ECPAS: variants seen among roughly 807,000 people sequenced by gnomAD.
ECPAS encodes proteasome adapter and scaffold protein ECM29.
Under a neutral mutation model 255.1 loss-of-function variants are expected in ECPAS, and 70 were observed. The observed-to-expected ratio is 0.27, with a 90% CI of 0.23 to 0.33. The LOEUF (loss-of-function observed/expected upper bound fraction) is 0.33. Among genes scored for constraint, ECPAS ranks in the 10% least tolerant of loss-of-function variants. The probability of loss-of-function intolerance (pLI) is 1.00; values close to 1 mark genes in which losing one functional copy is unlikely to be tolerated. For synonymous variants in ECPAS, 784 were observed against 775.0 expected, an observed-to-expected ratio of 1.01 and a Z score of -0.19; for missense variants, 1,817 against 2,206.4, an observed-to-expected ratio of 0.82 and a Z score of 3.54.
chr9:111,365,272 AAAT>A (rs543397125), intron 48 of ECPAS, among the ~76,000 whole-genome samples: 109 of 139,086 alleles, frequency 7.8e-4, no homozygotes, highest in African/African-American at 2.5e-3. Context: ...CCTGTCTCAA[AAAT>A]AATAATAACC....
chr9:111,449,531 G>A (rs2098257521), intron 3 of ECPAS, among the ~76,000 whole-genome samples: 2 of 151,988 alleles, frequency 1.3e-5, no homozygotes, highest in Non-Finnish European at 2.9e-5. Context: ...TAGTATGATA[G>A]AAGTGAATGA....
intron 2 of ECPAS, 142 bp from the exon 3 acceptor site, chr9:111,451,697 T>C: frequency 1.4e-6 from 1 of 713,438 alleles, no homozygotes; most frequent in Non-Finnish European, 2.2e-6. Flanking sequence ...ACAGATATTT[T>C]GACACAGCAA....
At chr9:111,441,984 A>G (rs2098246591) in intron 5 of ECPAS, among the ~76,000 whole-genome samples, 1 of 152,230 alleles carries the variant, frequency 6.6e-6, no homozygotes, top group African/African-American at 2.4e-5. Flanking sequence ...CTTCCAAGAT[A>G]GAATTGTTTT....
chr9:111,413,382 A>T (rs1309903924), intron 20 of ECPAS, among the ~76,000 whole-genome samples: 1 of 152,250 alleles, frequency 6.6e-6, no homozygotes, highest in Non-Finnish European at 1.5e-5. Flanking sequence ...GAAAGAATGT[A>T]TAAAACAGTA....
At chr9:111,393,586 CAAGA>C (rs2098163384) in intron 27 of ECPAS, 90 bp downstream of exon 27, 1 of 830,514 alleles carries the variant, frequency 1.2e-6, no homozygotes, top group Non-Finnish European at 2.0e-6. Flanking sequence ...TCACACAGCT[CAAGA>C]AAGTTTTCTT....
chr9:111,399,636 G>A (rs553306059), intron 24 of ECPAS, among the ~76,000 whole-genome samples: 55 of 152,136 alleles, frequency 3.6e-4, no homozygotes, highest in Non-Finnish European at 5.4e-4. Context: ...TTTCACCAGC[G>A]GCTAGACCAC....
intron 24 of ECPAS, among the ~76,000 whole-genome samples, chr9:111,399,408 G>T (rs2098172256): frequency 6.6e-6 from 1 of 152,220 alleles, no homozygotes; most frequent in Admixed American, 6.5e-5. Context: ...AGGCAGCACA[G>T]CTTGGAAAGA....
intron 46 of ECPAS, 30 bp downstream of exon 46, chr9:111,369,005 A>G (rs1331915771): frequency 6.6e-7 from 1 of 1,521,026 alleles, no homozygotes; most frequent in East Asian, 2.4e-5. Context: ...CTCTGGTTAC[A>G]GCACTTCAAA....
intron 1 of ECPAS, among the ~76,000 whole-genome samples, chr9:111,480,623 T>C (rs539904797): frequency 3.9e-5 from 6 of 152,308 alleles, no homozygotes; most frequent in Admixed American, 1.3e-4. Context: ...CAGCATCTGC[T>C]ATTTTATTAT....
intron 28 of ECPAS, 68 bp downstream of exon 28, chr9:111,392,700 G>C: frequency 9.7e-7 from 1 of 1,035,928 alleles, no homozygotes; most frequent in Non-Finnish European, 1.4e-6. Flanking sequence ...TCCTTCTCCA[G>C]CATCTTCTCA....
At chr9:111,367,119 T>C (rs2098121286) in intron 46 of ECPAS, among the ~76,000 whole-genome samples, 1 of 152,224 alleles carries the variant, frequency 6.6e-6, no homozygotes, top group African/African-American at 2.4e-5. Context: ...AAACCTGTTA[T>C]GCCAACTGCA....
In ECPAS at chr9:111,483,655, A is replaced by G. The variant is rs1472721432; in HGVS notation, c.-83+461T>C. 77 of 191,656 alleles carry G rather than the reference A, an allele frequency of 4.0e-4. No homozygotes were observed. In the Admixed American group the frequency reaches 4.8e-3, roughly 12 times the overall value. 11.9% of individuals were successfully genotyped at this position (191,656 alleles called of 1,614,324 possible). A position where few individuals can be genotyped will look rare whatever the true frequency, so the allele number is the denominator to read the frequency against. On this transcript the variant is annotated intron_variant, in intron 1 of 49. Coordinates refer to ENST00000684092, the MANE Select transcript of ECPAS (RefSeq NM_001364929.1). ...AGCCGCCTCCGTTCACTCGGCGCGG[A>G]CCGCGCTGTGCCCCGAGGCCCGCCC...
In ECPAS at chr9:111,380,038, G is replaced by A. The variant is rs117489513; in HGVS notation, c.3804-1308C>T. Among the ~76,000 whole-genome samples, 398 of 152,246 alleles carry A rather than the reference G, an allele frequency of 2.6e-3. 4 individuals carry two copies. The highest frequency in any genetic ancestry group is 3.0e-3 in the Non-Finnish European group (207 of 68,014). The stretch of plus-strand genomic sequence containing the variant: ...AATGTTCTTAACAGCACCTACAATG[G>A]TAAGCCCTTTCCAGAAGGTTTTCAA... On this transcript the variant is annotated intron_variant, in intron 35 of 49. Transcript: ENST00000684092.
chr9:111,422,707 T>C (rs1178447390), intron 13 of ECPAS, among the ~76,000 whole-genome samples: 1 of 152,060 alleles, frequency 6.6e-6, no homozygotes, highest in Non-Finnish European at 1.5e-5. Flanking sequence ...GAATGCTTCA[T>C]CTCTATCTCC....
chr9:111,483,461 G>T, intron 1 of ECPAS: 1 of 967,014 alleles, frequency 1.0e-6, no homozygotes, highest in Non-Finnish European at 1.2e-6. Context: ...ACCGCGCGGC[G>T]CCCGTTCCGG....
At chr9:111,438,394 G>A (rs2098241117) in intron 6 of ECPAS, among the ~76,000 whole-genome samples, 1 of 152,180 alleles carries the variant, frequency 6.6e-6, no homozygotes, top group South Asian at 2.1e-4. Context: ...GGGAAGCCAA[G>A]GTGGGAGGAT....
In ECPAS at chr9:111,372,604, G is replaced by A; in HGVS notation, c.4353C>T (p.Thr1451=). The change falls in exon 42 of 50, where the codon ACC becomes ACT. Residue 1451 remains threonine (T), a synonymous_variant. Transcript: ENST00000684092. The part of the protein sequence containing the change: ...YMEKEEPIYK[T]SCALTIHAIG... The stretch of plus-strand genomic sequence containing the variant: ...TAGCATGAATAGTCAAAGCACAAGA[G>A]GTCTTGTAGATAGGTTCTGAAAAGG... The A allele has an allele frequency of 6.2e-7, 1 of 1,610,184 alleles. No homozygotes were observed. Among genetic ancestry groups the A allele is most frequent in the Middle Eastern group, 1.7e-4 (1 of 6,048 alleles).
chr9:111,408,510 A>G, intron 24 of ECPAS, 61 bp downstream of exon 24: 1 of 1,111,116 alleles, frequency 9.0e-7, no homozygotes, highest in Non-Finnish European at 1.3e-6. Flanking sequence ...GCACCTAAAA[A>G]AAAAAAAAAG....
In ECPAS at chr9:111,370,666, G is replaced by C. The variant is rs895156020; in HGVS notation, c.4782-39C>G. The C allele has an allele frequency of 2.5e-6, 4 of 1,605,830 alleles. No individual in the cohort carries two copies. The Admixed American group carries it at 5.1e-5, about 21-fold the overall frequency. The stretch of plus-strand genomic sequence containing the variant: ...ACAAAAGCATCAGAAGTTAATAAAG[G>C]CTGCAGTTTTCGGGTCCAGTTTAAG... On this transcript the variant is annotated intron_variant, in intron 44 of 49. Coordinates refer to ENST00000684092, the MANE Select transcript of ECPAS (RefSeq NM_001364929.1).
Sources: allele counts gnomAD v4.1 joint callset (sites outside exome capture counted in the v4.1 genomes callset), GRCh38; gene constraint gnomAD v4.1.1; transcripts MANE v1.5; gene names NCBI Gene and HGNC (gene_info 2026-07-23, HGNC 2026-07-21).